BTD: variants seen among roughly 807,000 people sequenced by gnomAD.
The protein encoded by BTD is biotinidase, also known as biocytinase.
A neutral mutation model predicts 17.7 loss-of-function variants in BTD; 13 were observed. That is an observed-to-expected ratio of 0.74 (90% confidence interval 0.48 to 1.17). The LOEUF is 1.17. Ranked by LOEUF, BTD falls within the 50% of genes most tolerant of loss-of-function variation. The probability of loss-of-function intolerance (pLI) is 0.00; values close to 1 mark genes in which losing one functional copy is unlikely to be tolerated. For synonymous variants in BTD, 240 were observed against 245.2 expected, an observed-to-expected ratio of 0.98 and a Z score of 0.20; for missense variants, 674 against 650.4, an observed-to-expected ratio of 1.04 and a Z score of -0.39.
chr3:15,678,372 T>C (rs1403430888), intron 3 of BTD: 21 of 1,579,104 alleles, frequency 1.3e-5, no homozygotes, highest in Non-Finnish European at 1.7e-5. Context: ...AAAGAAAAAT[T>C]GAAATATATG....
intron 3 of BTD, among the ~76,000 whole-genome samples, chr3:15,704,826 T>C (rs1229310292): frequency 2.0e-5 from 3 of 152,206 alleles, no homozygotes; most frequent in Non-Finnish European, 2.9e-5. Context: ...TATTTTCCAC[T>C]AGGCTCCCAT....
chr3:15,713,855 A>G (rs2072650227), downstream of BTD, among the ~76,000 whole-genome samples: 1 of 152,200 alleles, frequency 6.6e-6, no homozygotes, highest in South Asian at 2.1e-4. Context: ...AGATTTTAGT[A>G]GATTTTTAAA....
chr3:15,715,525 A>G (rs907118902), downstream of BTD, among the ~76,000 whole-genome samples: 16 of 152,228 alleles, frequency 1.1e-4, no homozygotes, highest in Admixed American at 9.8e-4. Context: ...AAGCCATCCA[A>G]TTGACAAGTA....
At chr3:15,656,824 T>C (rs1160252039), downstream of BTD, among the ~76,000 whole-genome samples, 1 of 152,220 alleles carries the variant, frequency 6.6e-6, no homozygotes, top group Admixed American at 6.5e-5. Flanking sequence ...TTTCATTAAG[T>C]TCCACTAACT....
chr3:15,717,237 G>A (rs997912552), downstream of BTD, among the ~76,000 whole-genome samples: 2 of 152,042 alleles, frequency 1.3e-5, no homozygotes, highest in Non-Finnish European at 2.9e-5. Flanking sequence ...TCAGCCTTCC[G>A]AAGGTAGCTG....
At chr3:15,658,032 G>A (rs371902511), downstream of BTD, among the ~76,000 whole-genome samples, 13 of 152,198 alleles carry the variant, frequency 8.5e-5, no homozygotes, top group South Asian at 1.0e-3. Context: ...GCTGGGCATG[G>A]TGGTGCACAC....
chr3:15,713,096 TG>T (rs753551270), downstream of BTD, among the ~76,000 whole-genome samples: 98 of 151,938 alleles, frequency 6.4e-4, no homozygotes, highest in Non-Finnish European at 1.1e-3. Context: ...AAAATGGGGG[TG>T]GGGGTAAGAA....
intron 3 of BTD, among the ~76,000 whole-genome samples, chr3:15,667,045 A>G (rs964567797): frequency 6.6e-6 from 1 of 152,216 alleles, no homozygotes; most frequent in Non-Finnish European, 1.5e-5. Flanking sequence ...CCCACTCCCA[A>G]GTATACAGCA....
At chr3:15,641,834 C>A in intron 2 of BTD, 74 bp from the exon 3 acceptor site, 2 of 1,159,554 alleles carry the variant, frequency 1.7e-6, no homozygotes, top group African/African-American at 1.5e-5. Context: ...AAAGAATGAA[C>A]AGAAGAATGA....
In BTD at chr3:15,651,460, C is replaced by T. The variant is rs1226707438; in HGVS notation, c.*5972C>T. Among the ~76,000 whole-genome samples the T allele has an allele frequency of 6.6e-6, 1 of 152,180 alleles. No homozygotes were observed. The highest frequency in any genetic ancestry group is 1.5e-5 in the Non-Finnish European group (1 of 68,030). ...GGCCAGCGACAGCAGGAGCTATGAG[C>T]ACCCCAGGCCTGAAGGTGTGAAGGG... On this transcript the variant is annotated 3_prime_UTR_variant, in exon 4 of 4. Coordinates refer to ENST00000643237, the MANE Select transcript of BTD (RefSeq NM_001370658.1).
At chr3:15,623,370 A>T (rs1002377260) in intron 1 of BTD, among the ~76,000 whole-genome samples, 1 of 152,204 alleles carries the variant, frequency 6.6e-6, no homozygotes, top group Non-Finnish European at 1.5e-5. Flanking sequence ...CTTGTTTCGA[A>T]TTGATATATT....
chr3:15,628,285 C>T (rs1254251151), intron 1 of BTD, among the ~76,000 whole-genome samples: 1 of 152,240 alleles, frequency 6.6e-6, no homozygotes, highest in Non-Finnish European at 1.5e-5. Flanking sequence ...AGTTATGTTG[C>T]ATCCACCATA....
chr3:15,656,943 C>A (rs1413890781), downstream of BTD, among the ~76,000 whole-genome samples: 1 of 152,166 alleles, frequency 6.6e-6, no homozygotes, highest in Non-Finnish European at 1.5e-5. Context: ...AGTTATGCAG[C>A]CCACCTCTTT....
rs768859648 is a variant in BTD, at chr3:15,650,560, CTCT to C, written c.*5077_*5079del. Among the ~76,000 whole-genome samples the C allele has an allele frequency of 6.6e-6, 1 of 152,280 alleles. No individual in the cohort carries two copies. Among genetic ancestry groups the C allele is most frequent in the Non-Finnish European group, 1.5e-5 (1 of 68,022 alleles). On this transcript the variant is annotated 3_prime_UTR_variant, in exon 4 of 4. Transcript: ENST00000643237. ...ACACAGTATCACACTCTACTCTGCACTCTTCTTTATCATTTTCTCCCACAGACA... is the reference window on the plus strand; with the variant it reads ...ACACAGTATCACACTCTACTCTGCACTCTTTATCATTTTCTCCCACAGACA...
chr3:15,704,703 AT>A (rs147906633), intron 3 of BTD, among the ~76,000 whole-genome samples: 1,903 of 152,198 alleles, frequency 0.013, 39 homozygotes, highest in African/African-American at 0.044. Flanking sequence ...TTTAAGAAAA[AT>A]ATTTTTTACA....
chr3:15,625,115 G>A (rs1264609485), intron 1 of BTD, among the ~76,000 whole-genome samples: 1 of 152,186 alleles, frequency 6.6e-6, no homozygotes, highest in Non-Finnish European at 1.5e-5. Context: ...TGGACTCGAT[G>A]TACTAAGTAA....
intron 1 of BTD, among the ~76,000 whole-genome samples, chr3:15,628,137 C>T (rs973545600): frequency 1.3e-4 from 20 of 152,212 alleles, no homozygotes; most frequent in African/African-American, 4.8e-4. Context: ...CTCCTGAGTA[C>T]TGGCAGAGAT....
At chr3:15,722,427 T>A (rs530880401), downstream of BTD, among the ~76,000 whole-genome samples, 2 of 152,342 alleles carry the variant, frequency 1.3e-5, no homozygotes, top group East Asian at 3.9e-4. Flanking sequence ...GCCTTTAGAA[T>A]ACTCCTGCAC....
At chr3:15,696,074 TG>T in intron 3 of BTD, 1 of 1,140,832 alleles carries the variant, frequency 8.8e-7, no homozygotes, top group Non-Finnish European at 1.3e-6. Context: ...TTCTCATTTT[TG>T]TTACATTATT....
Sources: gnomAD v4.1 joint callset for allele counts (sites outside exome capture counted in the v4.1 genomes callset) on GRCh38, gnomAD v4.1.1 for gene constraint, MANE v1.5 for transcripts, NCBI Gene and HGNC (gene_info 2026-07-23, HGNC 2026-07-21) for gene names.